KCNQ4: variants seen among roughly 807,000 people sequenced by gnomAD.
KCNQ4 encodes potassium voltage-gated channel subfamily Q member 4, also known as potassium voltage-gated channel subfamily KQT member 4.
Under a neutral mutation model 72.6 loss-of-function variants are expected in KCNQ4, and 31 were observed. The ratio of observed to expected loss-of-function variants is 0.43; its 90% CI spans 0.32 to 0.58. KCNQ4 has a LOEUF of 0.58. KCNQ4 is among the 20% of genes least tolerant of loss of function. KCNQ4 has a pLI of 0.08. For synonymous variants in KCNQ4, 405 were observed against 403.7 expected (o/e 1.00, Z -0.04); for missense variants, 869 against 962.6 (o/e 0.90, Z 1.29).
At chr1:40,828,593 T>C (rs1648549451) in intron 9 of KCNQ4, among the ~76,000 whole-genome samples, 1 of 152,174 alleles carries the variant, frequency 6.6e-6, no homozygotes, top group African/African-American at 2.4e-5. Flanking sequence ...TCTGTGACCT[T>C]GGCCAAATCA....
chr1:40,837,071 C>G (rs1349264549), intron 12 of KCNQ4, among the ~76,000 whole-genome samples: 1 of 119,924 alleles, frequency 8.3e-6, no homozygotes, highest in Admixed American at 7.9e-5. Flanking sequence ...CCCAATCCAT[C>G]TTTTCTTTTC....
At chr1:40,803,448 C>T (rs978945706) in intron 1 of KCNQ4, among the ~76,000 whole-genome samples, 4 of 152,202 alleles carry the variant, frequency 2.6e-5, no homozygotes, top group Non-Finnish European at 5.9e-5. Context: ...CTCTGCTGCC[C>T]CCCAATCCTG....
At chr1:40,806,258 A>G (rs999789245) in intron 1 of KCNQ4, among the ~76,000 whole-genome samples, 3 of 152,172 alleles carry the variant, frequency 2.0e-5, no homozygotes, top group South Asian at 2.1e-4. Context: ...GAGTTTCTCA[A>G]ATCCTGGCTG....
At chr1:40,828,349 T>G (rs963645374) in intron 9 of KCNQ4, among the ~76,000 whole-genome samples, 1 of 152,130 alleles carries the variant, frequency 6.6e-6, no homozygotes, top group African/African-American at 2.4e-5. Context: ...ATTAGATAAT[T>G]CTTTGTGGAT....
intron 1 of KCNQ4, among the ~76,000 whole-genome samples, chr1:40,804,277 G>A (rs1647682592): frequency 6.6e-6 from 1 of 152,176 alleles, no homozygotes; most frequent in Non-Finnish European, 1.5e-5. Flanking sequence ...TGAGAGGCAG[G>A]TGCCTGAGTC....
intron 12 of KCNQ4, among the ~76,000 whole-genome samples, chr1:40,836,093 G>T (rs533670755): frequency 6.6e-6 from 1 of 152,326 alleles, no homozygotes; most frequent in South Asian, 2.1e-4. Flanking sequence ...GCTGTGTTGA[G>T]GATGGACTTA....
chr1:40,834,819 G>A, intron 11 of KCNQ4, 148 bp from the exon 12 acceptor site: 2 of 1,014,520 alleles, frequency 2.0e-6, no homozygotes, highest in Non-Finnish European at 3.0e-6. Flanking sequence ...AGGTAGGGGA[G>A]GCTGGGAGAC....
At chr1:40,809,181 C>G (rs1210011825) in intron 1 of KCNQ4, among the ~76,000 whole-genome samples, 1 of 152,212 alleles carries the variant, frequency 6.6e-6, no homozygotes, top group African/African-American at 2.4e-5. Context: ...TGCTTTCCCT[C>G]CCAGCTCTCT....
At chr1:40,818,862 T>A in intron 4 of KCNQ4, 182 bp downstream of exon 4, 2 of 684,790 alleles carry the variant, frequency 2.9e-6, no homozygotes, top group Non-Finnish European at 5.1e-6. Context: ...GGATTCTGAA[T>A]TAGGTAGGGG....
chr1:40,822,308 C>G lies in KCNQ4; in HGVS notation c.1042-6C>G. ...GCCCCATCCCCCACGTCCCCCATAC[C>G]ACCAGGCTGCCTGGCGCCTGTACTC... On this transcript the variant is annotated splice_region_variant and splice_polypyrimidine_tract_variant and intron_variant, in intron 7 of 13. Transcript: ENST00000347132. 1 of 1,613,608 alleles carries G rather than the reference C, an allele frequency of 6.2e-7. No homozygotes were observed. The highest frequency in any genetic ancestry group is 1.3e-5 in the African/African-American group (1 of 75,036).
intron 8 of KCNQ4, among the ~76,000 whole-genome samples, chr1:40,823,020 G>A (rs1370156935): frequency 2.0e-5 from 3 of 152,234 alleles, no homozygotes; most frequent in Non-Finnish European, 4.4e-5. Context: ...CCCTCAGGCA[G>A]GAATGAAAAC....
At chr1:40,793,475 G>T (rs1352391285) in intron 1 of KCNQ4, among the ~76,000 whole-genome samples, 2 of 152,046 alleles carry the variant, frequency 1.3e-5, no homozygotes, top group African/African-American at 2.4e-5. Flanking sequence ...GACATCAGGG[G>T]TCACCCCTAT....
chr1:40,818,779 T>A (rs953289607), intron 4 of KCNQ4, 99 bp downstream of exon 4: 10 of 1,349,900 alleles, frequency 7.4e-6, no homozygotes, highest in Non-Finnish European at 1.0e-5. Flanking sequence ...GCTGTCTCCG[T>A]GCTGGGAAGG....
At position 40,822,343 on chromosome 1, in the gene KCNQ4, G is replaced by A. The variant is rs750018672; in HGVS notation, c.1071G>A (p.Met357Ile). The change falls in exon 8 of 14, where the codon ATG becomes ATA. Residue 357 changes from methionine (M) to isoleucine (I), a missense_variant. Met to Ile is a conservative substitution (Grantham distance 10, BLOSUM62 1). Around this residue, in one of 5 missense-constraint regions of KCNQ4, gnomAD observed 480 missense variants for 501.9 expected, o/e 0.96. Coordinates refer to ENST00000347132, the MANE Select transcript of KCNQ4 (RefSeq NM_004700.4). ...QAAWRLYSTD[M>I]SRAYLTATWY... ...CCTGGCGCCTGTACTCCACCGATAT[G>A]AGCCGGGCCTACCTGACAGCCACCT... is the stretch of plus-strand genomic sequence containing the variant. 1.2e-6 allele frequency: 2 copies of A among 1,612,900 alleles called. No homozygotes were observed. Among genetic ancestry groups the A allele is most frequent in the Admixed American group, 3.3e-5 (2 of 59,958 alleles).
chr1:40,805,649 G>A (rs146075872), intron 1 of KCNQ4, among the ~76,000 whole-genome samples: 1,837 of 152,164 alleles, frequency 0.012, 19 homozygotes, highest in Non-Finnish European at 0.02. Context: ...GGAAAAGAGC[G>A]CGTTTGCCAT....
At chr1:40,795,172 C>G (rs566774287) in intron 1 of KCNQ4, among the ~76,000 whole-genome samples, 1 of 152,082 alleles carries the variant, frequency 6.6e-6, no homozygotes, top group African/African-American at 2.4e-5. Context: ...TGTCCCTGCT[C>G]ACCTCACGGG....
At chr1:40,789,870 G>A (rs1647246052) in intron 1 of KCNQ4, among the ~76,000 whole-genome samples, 1 of 152,212 alleles carries the variant, frequency 6.6e-6, no homozygotes, top group South Asian at 2.1e-4. Context: ...AAAAAGGAAG[G>A]CCGAGGCCCT....
rs1480817647 is a variant in KCNQ4, at chr1:40,839,644, CCTT to C, written c.*1126_*1128del. 6.6e-6 allele frequency: 1 copy of C among 152,410 alleles called. No individual in the cohort carries two copies. Among genetic ancestry groups the C allele is most frequent in the African/African-American group, 2.4e-5 (1 of 41,424 alleles). The allele number at this position is 152,410 out of a possible 1,614,324, so 9.4% of individuals were successfully genotyped here. ...CCCCACCCAGACCTTTACCCGCTCCCCTTCTTCAAGAAGATCTCCTCCTCTCTG... is the reference window on the plus strand; with the variant it reads ...CCCCACCCAGACCTTTACCCGCTCCCCTTCAAGAAGATCTCCTCCTCTCTG... On this transcript the variant is annotated 3_prime_UTR_variant, in exon 14 of 14. Coordinates refer to ENST00000347132, the MANE Select transcript of KCNQ4 (RefSeq NM_004700.4).
rs1648149449 is a variant in KCNQ4 at position 40,817,996 on chromosome 1, G to C, written c.406-168G>C. Among the ~76,000 whole-genome samples the C allele has an allele frequency of 1.3e-5, 2 of 152,042 alleles. No individual in the cohort carries two copies. Among genetic ancestry groups the C allele is most frequent in the African/African-American group, 4.8e-5 (2 of 41,396 alleles). On this transcript the variant is annotated intron_variant, in intron 2 of 13. Transcript: ENST00000347132. The surrounding 1 kb of genome is among the most constrained non-coding windows in gnomAD (Gnocchi z 5.5). ...GGCTTTTAGTCTTCTTGCAGGAGGCGGAGGGGGCCACCTGCCCTCCGGAAT... is the reference window on the plus strand; with the variant it reads ...GGCTTTTAGTCTTCTTGCAGGAGGCCGAGGGGGCCACCTGCCCTCCGGAAT...
Sources: gnomAD v4.1 joint callset for allele counts (sites outside exome capture counted in the v4.1 genomes callset) on GRCh38, gnomAD v4.1.1 for gene constraint, gnomAD v4.1.1 regional missense constraint, Gnocchi (gnomAD v3.1) non-coding constraint, MANE v1.5 for transcripts, NCBI Gene and HGNC (gene_info 2026-07-23, HGNC 2026-07-21) for gene names.